The following NPAS2 variants were observed in gnomAD, a reference collection of about 807,000 sequenced individuals.
NPAS2 encodes neuronal PAS domain protein 2, also known as neuronal PAS domain-containing protein 2.
In NPAS2, 23 loss-of-function variants were observed where a neutral mutation model predicts 107.5. The observed-to-expected ratio is 0.21, with a 90% CI of 0.15 to 0.30. The LOEUF is 0.30. Ranked by LOEUF, NPAS2 falls within the 10% of genes least tolerant of loss-of-function variation. NPAS2 has a pLI of 1.00. For missense variants in NPAS2, 756 were observed against 1,043.3 expected (o/e 0.72, Z 3.79); for synonymous variants, 403 against 417.5 (o/e 0.97, Z 0.42).
Position 100,988,292 on chromosome 2 carries a change from G to T in NPAS2, c.1827+16G>T, listed in dbSNP as rs1251255559. The T allele has an allele frequency of 6.2e-7, 1 of 1,608,176 alleles. No individual in the cohort carries two copies. The highest frequency in any genetic ancestry group is 1.7e-5 in the Admixed American group (1 of 59,994). ...ATCAACCCAGGTAAATGTGCTCCTT[G>T]CCAGCTTCACTCCTTGCCTCTAGAG... On this transcript the variant is annotated intron_variant, in intron 17 of 20. Coordinates refer to ENST00000335681, the MANE Select transcript of NPAS2 (RefSeq NM_002518.4).
chr2:100,956,894 T>C (rs1411988162), intron 7 of NPAS2, among the ~76,000 whole-genome samples: 1 of 152,156 alleles, frequency 6.6e-6, no homozygotes, highest in East Asian at 1.9e-4. Flanking sequence ...ACAAAGCCCC[T>C]TTGCTCTGGT....
intron 15 of NPAS2, among the ~76,000 whole-genome samples, chr2:100,978,804 G>A (rs1677209876): frequency 6.6e-6 from 1 of 152,234 alleles, no homozygotes; most frequent in Non-Finnish European, 1.5e-5. Context: ...CTTCCTGGAG[G>A]AGGTGACGCT....
At chr2:100,904,656 C>G (rs1309346613) in intron 1 of NPAS2, 77 bp from the exon 2 acceptor site, 23 of 1,120,150 alleles carry the variant, frequency 2.1e-5, no homozygotes, top group Non-Finnish European at 3.0e-5. Flanking sequence ...TGACAACAAC[C>G]TGAAAGACTT....
rs370681616 is a variant in NPAS2 at position 100,852,232 on chromosome 2, TA to T, written c.-23+31824del. On this transcript the variant is annotated intron_variant, in intron 1 of 20. Coordinates refer to ENST00000335681, the MANE Select transcript of NPAS2 (RefSeq NM_002518.4). ...TAACACGGTGAAACCCCGTCTCTCC[TA>T]AAAAATACAAAAAATTAGCCGGGCG... is the stretch of plus-strand genomic sequence containing the variant. Among the ~76,000 whole-genome samples, 699 of 151,772 alleles carry T rather than the reference TA, an allele frequency of 4.6e-3. 5 individuals carry two copies. Among genetic ancestry groups the T allele is most frequent in the African/African-American group, 0.013 (528 of 41,376 alleles).
At chr2:100,869,900 C>CTTTTTT (rs34489501) in intron 1 of NPAS2, among the ~76,000 whole-genome samples, 4 of 82,490 alleles carry the variant, frequency 4.8e-5, no homozygotes, top group Middle Eastern at 8.9e-3. Flanking sequence ...CTCCTGACTT[C>CTTTTTT]TTTTTTTTTT....
chr2:100,901,397 C>A, intron 1 of NPAS2: 1 of 283,584 alleles, frequency 3.5e-6, no homozygotes, highest in Non-Finnish European at 5.3e-6. Flanking sequence ...GGTGCAGATG[C>A]CTGGATTTCA....
chr2:100,873,275 CATAT>C (rs376842348), intron 1 of NPAS2, among the ~76,000 whole-genome samples: 1,432 of 77,084 alleles, frequency 0.019, 15 homozygotes, highest in East Asian at 0.08. Context: ...AAAAAAAATA[CATAT>C]ATATATATAT....
chr2:100,952,660 AT>A (rs1439770752), intron 7 of NPAS2, among the ~76,000 whole-genome samples: 2 of 152,028 alleles, frequency 1.3e-5, no homozygotes, highest in Non-Finnish European at 1.5e-5. Context: ...CCATGATCTC[AT>A]TAAGATGCTG....
chr2:100,933,871 G>A (rs1351965889), intron 4 of NPAS2, among the ~76,000 whole-genome samples: 10 of 152,212 alleles, frequency 6.6e-5, no homozygotes, highest in African/African-American at 2.4e-4. Context: ...GACGCTGGCT[G>A]TGACCAGTGG....
intron 4 of NPAS2, 108 bp downstream of exon 4, chr2:100,933,109 A>G: frequency 1.2e-6 from 1 of 802,766 alleles, no homozygotes; most frequent in Non-Finnish European, 2.1e-6. Context: ...GATCCTGGGA[A>G]GACTTGACTT....
chr2:100,837,000 T>C (rs1419901642), intron 1 of NPAS2, among the ~76,000 whole-genome samples: 1 of 152,148 alleles, frequency 6.6e-6, no homozygotes, highest in Non-Finnish European at 1.5e-5. Context: ...GTGTGGCTCA[T>C]CTGGTGGCCA....
At chr2:100,881,219 G>A (rs1382637917) in intron 1 of NPAS2, among the ~76,000 whole-genome samples, 1 of 152,210 alleles carries the variant, frequency 6.6e-6, no homozygotes, top group African/African-American at 2.4e-5. Flanking sequence ...TTTAATGACT[G>A]TGGTGCCTGC....
chr2:100,862,688 C>T (rs968786713), intron 1 of NPAS2, among the ~76,000 whole-genome samples: 2 of 152,192 alleles, frequency 1.3e-5, no homozygotes, highest in African/African-American at 2.4e-5. Context: ...CAGCACACTG[C>T]CGTTCCTTTT....
chr2:100,926,586 G>A (rs1683578383), intron 3 of NPAS2, among the ~76,000 whole-genome samples: 1 of 151,862 alleles, frequency 6.6e-6, no homozygotes, highest in Non-Finnish European at 1.5e-5. Flanking sequence ...GGCTATTTGT[G>A]TATCTTCTTT....
rs1019426699 is a variant in NPAS2, at chr2:100,846,401, G to T, written c.-23+25987G>T. ...AAGACATCTGTAATTTTTGAAGAGG[G>T]GATGGTTTTAAAAAGGCATTTCTTC... On this transcript the variant is annotated intron_variant, in intron 1 of 20. Transcript: ENST00000335681. Among the ~76,000 whole-genome samples, 14 of 152,236 alleles carry T rather than the reference G, an allele frequency of 9.2e-5. 1 individual carries two copies. Among genetic ancestry groups the T allele is most frequent in the Admixed American group, 7.2e-4 (11 of 15,292 alleles).
rs59004087 is a variant in NPAS2, at chr2:100,841,189, C to G, written c.-23+20775C>G. Among the ~76,000 whole-genome samples the G allele has an allele frequency of 8.9e-3, 1,349 of 152,272 alleles. 21 individuals are homozygous for G. The highest frequency in any genetic ancestry group is 0.03 in the African/African-American group (1,239 of 41,538). On this transcript the variant is annotated intron_variant, in intron 1 of 20. Transcript: ENST00000335681. ...ACAGCTCACACCTGTAATCCTAGCA[C>G]TTTGGGAGGCCGAGGCAGGTGGATC...
chr2:100,840,068 C>T (rs1184584005), intron 1 of NPAS2, among the ~76,000 whole-genome samples: 1 of 152,124 alleles, frequency 6.6e-6, no homozygotes, highest in Non-Finnish European at 1.5e-5. Context: ...CTCCGTTCAC[C>T]TATCCAGGCC....
chr2:100,990,207 C>T, intron 17 of NPAS2, 49 bp from the exon 18 acceptor site: 2 of 1,571,634 alleles, frequency 1.3e-6, no homozygotes, highest in South Asian at 1.1e-5. Context: ...GGAGAGATGG[C>T]CCAGGGTTGA....
chr2:100,828,176 G>A (rs1038135650), intron 1 of NPAS2, among the ~76,000 whole-genome samples: 1 of 152,114 alleles, frequency 6.6e-6, no homozygotes, highest in Non-Finnish European at 1.5e-5. Context: ...GTGATATGGA[G>A]CATTTTTTTC....
Sources: allele counts gnomAD v4.1 joint callset (sites outside exome capture counted in the v4.1 genomes callset), GRCh38; gene constraint gnomAD v4.1.1; transcripts MANE v1.5; gene names NCBI Gene and HGNC (gene_info 2026-07-23, HGNC 2026-07-21).